The following FILIP1L variants were observed in gnomAD, a reference collection of about 807,000 sequenced individuals.
FILIP1L encodes the protein filamin A interacting protein 1 like.
FILIP1L carries 55 observed loss-of-function variants against 96.6 expected under a neutral mutation model. That is an observed-to-expected ratio of 0.57 (90% CI 0.46 to 0.71). The LOEUF is 0.71. Ranked by LOEUF, FILIP1L falls within the 30% of genes least tolerant of loss-of-function variation. The pLI, the probability that FILIP1L is intolerant of heterozygous loss-of-function variation, is 0.00. For missense variants in FILIP1L, 1,304 were observed against 1,321.2 expected, an observed-to-expected ratio of 0.99 and a Z score of 0.20; for synonymous variants, 467 against 473.9, an observed-to-expected ratio of 0.99 and a Z score of 0.19.
chr3:99,889,285 A>C lies in FILIP1L; in HGVS notation c.605+34945T>G, dbSNP rs545192074. Among the ~76,000 whole-genome samples, 7 of 152,258 alleles carry C rather than the reference A, an allele frequency of 4.6e-5. No individual in the cohort carries two copies. In the East Asian group the frequency reaches 1.4e-3, roughly 29 times the overall value. ...GCTTTACATATTTTTAGATGCACAC[A>C]AATTCAAACTGTTCCTAGGAAATGG... On this transcript the variant is annotated intron_variant, in intron 4 of 5. Coordinates refer to ENST00000477258, the MANE Select transcript of FILIP1L (RefSeq NM_001387850.1).
chr3:99,985,699 C>G (rs754145748), intron 1 of FILIP1L, among the ~76,000 whole-genome samples: 4 of 152,016 alleles, frequency 2.6e-5, no homozygotes, highest in Non-Finnish European at 5.9e-5. Flanking sequence ...AGCAATTCTC[C>G]TGCCTCAGCC....
At chr3:100,064,410 T>TC (rs2065627136) in intron 1 of FILIP1L, among the ~76,000 whole-genome samples, 1 of 152,080 alleles carries the variant, frequency 6.6e-6, no homozygotes, top group Non-Finnish European at 1.5e-5. Context: ...TTTTTTTTTT[T>TC]CAACATTAAA....
intron 1 of FILIP1L, among the ~76,000 whole-genome samples, chr3:100,081,916 GAC>G (rs1471131680): frequency 6.6e-6 from 1 of 152,086 alleles, no homozygotes; most frequent in Non-Finnish European, 1.5e-5. Context: ...AATGTCTCCA[GAC>G]ACTGTCAGAT....
At chr3:99,866,985 A>G (rs753318596) in intron 4 of FILIP1L, among the ~76,000 whole-genome samples, 2 of 152,198 alleles carry the variant, frequency 1.3e-5, no homozygotes, top group Non-Finnish European at 2.9e-5. Flanking sequence ...CATTTGGGTT[A>G]TGTTTTCCTT....
intron 1 of FILIP1L, among the ~76,000 whole-genome samples, chr3:99,961,016 A>C (rs2107702701): frequency 6.6e-6 from 1 of 152,248 alleles, no homozygotes; most frequent in South Asian, 2.1e-4. Flanking sequence ...AGGTTTTATC[A>C]GGAACATATT....
At chr3:100,071,567 A>G (rs2065764385) in intron 1 of FILIP1L, among the ~76,000 whole-genome samples, 1 of 152,168 alleles carries the variant, frequency 6.6e-6, no homozygotes, top group Non-Finnish European at 1.5e-5. Flanking sequence ...CTTCTGTCCT[A>G]CTGGTTCCAG....
At chr3:100,003,887 TAAAG>T (rs1438084288) in intron 1 of FILIP1L, among the ~76,000 whole-genome samples, 2 of 152,196 alleles carry the variant, frequency 1.3e-5, no homozygotes, top group African/African-American at 2.4e-5. Flanking sequence ...CAAATGAATA[TAAAG>T]AGAGAAGGCA....
chr3:100,104,486 CTG>C (rs2107463732), intron 1 of FILIP1L, among the ~76,000 whole-genome samples: 1 of 152,224 alleles, frequency 6.6e-6, no homozygotes, highest in East Asian at 1.9e-4. Flanking sequence ...TTAAATAAAA[CTG>C]TTAGCAGTTC....
chr3:100,054,869 G>A (rs766426842), intron 1 of FILIP1L, among the ~76,000 whole-genome samples: 3 of 152,182 alleles, frequency 2.0e-5, no homozygotes, highest in Non-Finnish European at 4.4e-5. Context: ...ATGTTCAGAA[G>A]TATGAGGTCA....
chr3:99,848,182 T>TG (rs1471775677), intron 5 of FILIP1L, 113 bp downstream of exon 5: 1 of 1,539,952 alleles, frequency 6.5e-7, no homozygotes, highest in African/African-American at 1.4e-5. Flanking sequence ...AAGTACGAGT[T>TG]CAGTCAGTCT....
At chr3:100,052,161 GCA>G (rs1464906470) in intron 1 of FILIP1L, among the ~76,000 whole-genome samples, 1 of 152,072 alleles carries the variant, frequency 6.6e-6, no homozygotes. Context: ...ACCCCATGAT[GCA>G]CACTTATAAT....
chr3:100,053,374 C>G (rs2065406179), intron 1 of FILIP1L, among the ~76,000 whole-genome samples: 1 of 152,222 alleles, frequency 6.6e-6, no homozygotes, highest in African/African-American at 2.4e-5. Context: ...TTTGTAGCTT[C>G]TGGTGCTTGC....
chr3:99,830,442 G>C lies in FILIP1L; in HGVS notation c.3545C>G (p.Thr1182Ser), dbSNP rs1184793906. 1 of 454,696 alleles carries C rather than the reference G, an allele frequency of 2.2e-6. No homozygotes were observed. Among genetic ancestry groups the C allele is most frequent in the East Asian group, 7.0e-5 (1 of 14,354 alleles). 28.2% of individuals were successfully genotyped at this position (454,696 alleles called of 1,614,324 possible). ...LHIVRTVTSN[T>S]FLHVGGRR ...CCTTCTCCCTCCCACGTGGAGGAAG[G>C]TGTTGGAGGTGACAGTTCTCACGAT... is the stretch of plus-strand genomic sequence containing the variant. Residue 1182 changes from threonine (T) to serine (S), a missense_variant, in exon 6 of 6, where the codon ACC (threonine) becomes AGC (serine). Thr to Ser is a moderately conservative substitution (Grantham distance 58, BLOSUM62 1). Transcript: ENST00000477258.
At chr3:100,094,202 G>A (rs1007002672) in intron 1 of FILIP1L, among the ~76,000 whole-genome samples, 1 of 152,096 alleles carries the variant, frequency 6.6e-6, no homozygotes, top group Middle Eastern at 3.4e-3. Context: ...ACATCTTTTC[G>A]TCACTTGTCA....
At chr3:99,970,629 A>C (rs1490340172) in intron 1 of FILIP1L, among the ~76,000 whole-genome samples, 1 of 152,240 alleles carries the variant, frequency 6.6e-6, no homozygotes, top group Non-Finnish European at 1.5e-5. Flanking sequence ...TTGCATGTAC[A>C]GGGTCACAAG....
chr3:99,850,097 C>T lies in FILIP1L; in HGVS notation c.1579G>A (p.Val527Met). 1.9e-6 allele frequency: 3 copies of T among 1,613,238 alleles called. No homozygotes were observed. In the South Asian group the frequency reaches 3.3e-5, roughly 18 times the overall value. Residue 527 changes from valine to methionine, a missense_variant, in exon 5 of 6, where the codon GTG (valine) becomes ATG (methionine). Val to Met is a conservative substitution (Grantham distance 21). Coordinates refer to ENST00000477258, the MANE Select transcript of FILIP1L (RefSeq NM_001387850.1). The part of the protein sequence containing the change: ...KLQAASSQLQ[V>M]EQNKVTTVTE... Reference sequence around the variant, plus strand: ...ACTGTTGTTACTTTATTTTGCTCCACTTGAAGCTGAGAAGAAGCAGCTTGT... The same window carrying T: ...ACTGTTGTTACTTTATTTTGCTCCATTTGAAGCTGAGAAGAAGCAGCTTGT...
chr3:99,918,034 G>A (rs1173481419), intron 4 of FILIP1L, among the ~76,000 whole-genome samples: 1 of 152,152 alleles, frequency 6.6e-6, no homozygotes. Flanking sequence ...CTGGAGTGCA[G>A]TGGCGTGATC....
At chr3:99,887,681 A>G (rs1705952236) in intron 4 of FILIP1L, among the ~76,000 whole-genome samples, 1 of 152,232 alleles carries the variant, frequency 6.6e-6, no homozygotes, top group Non-Finnish European at 1.5e-5. Context: ...TAAGTACAAT[A>G]TATTTATATG....
intron 3 of FILIP1L, among the ~76,000 whole-genome samples, chr3:99,924,947 TC>T (rs1274538331): frequency 2.0e-5 from 3 of 152,220 alleles, no homozygotes; most frequent in African/African-American, 7.2e-5. Flanking sequence ...ATAATCTGTG[TC>T]CCTGTGGGTA....
Sources: gnomAD v4.1 joint callset for allele counts (sites outside exome capture counted in the v4.1 genomes callset) on GRCh38, gnomAD v4.1.1 for gene constraint, MANE v1.5 for transcripts, NCBI Gene and HGNC (gene_info 2026-07-23, HGNC 2026-07-21) for gene names.